CDC7: variants seen among roughly 807,000 people sequenced by gnomAD.
CDC7 encodes cell division cycle 7-related protein kinase.
Under a neutral mutation model 53.5 loss-of-function variants are expected in CDC7, and 34 were observed. The observed-to-expected ratio is 0.64, with a 90% CI of 0.48 to 0.85. CDC7 has a LOEUF of 0.85. Among genes scored for constraint, CDC7 ranks in the 40% least tolerant of loss-of-function variants. The pLI is 0.00. For synonymous variants in CDC7, 211 were observed against 222.8 expected (o/e 0.95, Z 0.47); for missense variants, 594 against 679.7 (o/e 0.87, Z 1.40).
At chr1:91,514,236 A>AT (rs1306830002) in intron 8 of CDC7, among the ~76,000 whole-genome samples, 193 bp downstream of exon 8, 2 of 152,090 alleles carry the variant, frequency 1.3e-5, no homozygotes, top group African/African-American at 4.8e-5. Context: ...TTCTGGTGGA[A>AT]TTTTTTCTCA....
At chr1:91,517,777 G>A (rs1040479764) in intron 10 of CDC7, among the ~76,000 whole-genome samples, 4 of 151,970 alleles carry the variant, frequency 2.6e-5, no homozygotes, top group African/African-American at 7.3e-5. Context: ...CATTGAAGGA[G>A]CAGGCAGAGG....
chr1:91,507,999 T>G (rs1250461143), intron 3 of CDC7, 62 bp downstream of exon 3: 27 of 1,403,310 alleles, frequency 1.9e-5, no homozygotes, highest in Non-Finnish European at 2.5e-5. Context: ...ATTTTCCTTT[T>G]TTAGTCTTGG....
intron 11 of CDC7, among the ~76,000 whole-genome samples, chr1:91,522,841 A>G (rs1042618185): frequency 1.3e-5 from 2 of 152,144 alleles, no homozygotes; most frequent in Admixed American, 1.3e-4. Flanking sequence ...ACACCAGTCC[A>G]GTAGTTAGTT....
intron 2 of CDC7, among the ~76,000 whole-genome samples, chr1:91,506,332 CT>C (rs983293153): frequency 5.3e-5 from 8 of 152,162 alleles, no homozygotes; most frequent in African/African-American, 1.9e-4. Flanking sequence ...AGCCCTCCCC[CT>C]ACCCTAATCA....
chr1:91,510,235 G>A (rs1667210378), intron 4 of CDC7, among the ~76,000 whole-genome samples: 1 of 150,760 alleles, frequency 6.6e-6, no homozygotes, highest in South Asian at 2.1e-4. Context: ...AAAAAAAAAA[G>A]AGTGACATTG....
chr1:91,518,325 T>C (rs1667711261), intron 10 of CDC7, among the ~76,000 whole-genome samples: 2 of 152,270 alleles, frequency 1.3e-5, no homozygotes, highest in East Asian at 1.9e-4. Context: ...GAAAACAATT[T>C]GGACGTTCCT....
At chr1:91,505,153 A>C (rs1313359135) in intron 2 of CDC7, among the ~76,000 whole-genome samples, 1 of 152,168 alleles carries the variant, frequency 6.6e-6, no homozygotes, top group Non-Finnish European at 1.5e-5. Flanking sequence ...AGAGCATTCC[A>C]AACAGAGGAA....
chr1:91,505,810 A>G (rs1421409907), intron 2 of CDC7, among the ~76,000 whole-genome samples: 1 of 152,204 alleles, frequency 6.6e-6, no homozygotes, highest in Non-Finnish European at 1.5e-5. Context: ...GTGACAGGAA[A>G]CCTTAATAAA....
In CDC7 at chr1:91,501,794, C is replaced by T; in HGVS notation, c.78C>T (p.Gly26=). Residue 26 remains glycine, a synonymous_variant, in exon 2 of 12, where the codon GGC becomes GGT. Transcript: ENST00000234626. ...AGCGTGACCGGTTTCAGGCTGAAGG[C>T]TCTTTAAAAAAAAACGAGCAGAATT... is the stretch of plus-strand genomic sequence containing the variant. The part of the protein sequence containing the change: ...SPQRDRFQAE[G]SLKKNEQNFK... The T allele has an allele frequency of 6.2e-7, 1 of 1,613,870 alleles. No individual in the cohort carries two copies. The highest frequency in any genetic ancestry group is 8.5e-7 in the Non-Finnish European group (1 of 1,179,908).
At chr1:91,516,074 CTT>C (rs1293510464) in intron 10 of CDC7, among the ~76,000 whole-genome samples, 198 bp downstream of exon 10, 2 of 151,842 alleles carry the variant, frequency 1.3e-5, no homozygotes, top group East Asian at 1.9e-4. Flanking sequence ...TGTTGCCTCT[CTT>C]TTTTTGTTTA....
At chr1:91,513,463 A>G (rs1433701858) in intron 7 of CDC7, among the ~76,000 whole-genome samples, 156 bp downstream of exon 7, 1 of 152,096 alleles carries the variant, frequency 6.6e-6, no homozygotes, top group East Asian at 1.9e-4. Context: ...TTTCACTAAG[A>G]TTTGTACTGA....
chr1:91,501,904 T>C lies in CDC7; in HGVS notation c.115+73T>C, dbSNP rs1232306799. 4 of 1,062,484 alleles carry C rather than the reference T, an allele frequency of 3.8e-6. No individual in the cohort carries two copies. The East Asian group carries it at 9.5e-5, about 25-fold the overall frequency. 65.8% of individuals were successfully genotyped at this position (1,062,484 alleles called of 1,614,324 possible). On this transcript the variant is annotated intron_variant, in intron 2 of 11. Transcript: ENST00000234626. ...AACAATTCTGTGTTTTCAATTCCTC[T>C]CAAAAAATAAGATTGAATCTTATAA...
chr1:91,524,554 A>G lies in CDC7; in HGVS notation c.*119A>G. The G allele has an allele frequency of 1.3e-6, 1 of 781,310 alleles. No homozygotes were observed. The highest frequency in any genetic ancestry group is 2.0e-6 in the Non-Finnish European group (1 of 499,574). The allele number at this position is 781,310 out of a possible 1,614,324, so 48.4% of individuals were successfully genotyped here. A position where few individuals can be genotyped will look rare whatever the true frequency, so the allele number is the denominator to read the frequency against. ...GATTAATAATTTATTTTAACATTTT[A>G]GTGTTTGGTGGCACATTCTAAAATA... On this transcript the variant is annotated 3_prime_UTR_variant, in exon 12 of 12. Transcript: ENST00000234626.
Position 91,508,289 on chromosome 1 carries a change from C to T in CDC7, c.227C>T (p.Thr76Ile). 1 of 1,610,310 alleles carries T rather than the reference C, an allele frequency of 6.2e-7. No individual in the cohort carries two copies. Among genetic ancestry groups the T allele is most frequent in the Non-Finnish European group, 8.5e-7 (1 of 1,178,264 alleles). The change falls in exon 4 of 12, where the codon ACA becomes ATA. Residue 76 changes from threonine (T) to isoleucine (I), a missense_variant. By Grantham distance (89) the Thr-to-Ile change is moderately conservative (BLOSUM62 -1). Transcript: ENST00000234626. ...EGTFSSVYLATAQLQVGPEEK... is the reference protein window; with the variant it reads ...EGTFSSVYLAIAQLQVGPEEK... The stretch of plus-strand genomic sequence containing the variant: ...ACTTTCAGCTCTGTTTATTTGGCCA[C>T]AGCACAGTTACAAGTAGGACCTGAA...
At chr1:91,501,429 G>C (rs1666666572) in intron 1 of CDC7, 1 of 329,092 alleles carries the variant, frequency 3.0e-6, no homozygotes, top group South Asian at 8.8e-5. Flanking sequence ...GCTGCTGCGC[G>C]GGTGCCCAAG....
intron 2 of CDC7, among the ~76,000 whole-genome samples, chr1:91,503,945 T>C (rs1666838686): frequency 6.6e-6 from 1 of 152,114 alleles, no homozygotes; most frequent in Admixed American, 6.5e-5. Context: ...TACAACTGGA[T>C]TTAAGGTCCA....
chr1:91,508,408 T>C lies in CDC7; in HGVS notation c.335+11T>C. 6.3e-7 allele frequency: 1 copy of C among 1,595,352 alleles called. No individual in the cohort carries two copies. The highest frequency in any genetic ancestry group is 8.6e-7 in the Non-Finnish European group (1 of 1,166,986). ...CCTAACAGTGGCTGGGTAGGCAATTTAAACATATTTTAATTGAACTTGTAT... is the reference window on the plus strand; with the variant it reads ...CCTAACAGTGGCTGGGTAGGCAATTCAAACATATTTTAATTGAACTTGTAT... On this transcript the variant is annotated intron_variant, in intron 4 of 11. Transcript: ENST00000234626.
chr1:91,522,380 A>G (rs1438009445), intron 11 of CDC7, among the ~76,000 whole-genome samples: 3 of 152,200 alleles, frequency 2.0e-5, no homozygotes, highest in Non-Finnish European at 2.9e-5. Flanking sequence ...ATCTGTCCTC[A>G]ACCCTTAAAC....
rs1019786320 is a variant in CDC7 at position 91,508,496 on chromosome 1, T to C, written c.335+99T>C. ...ATGAGGGGATTATATGTGAATTAAATACATTTTTCAGTCAAGTGTTTGCAA... is the reference window on the plus strand; with the variant it reads ...ATGAGGGGATTATATGTGAATTAAACACATTTTTCAGTCAAGTGTTTGCAA... On this transcript the variant is annotated intron_variant, in intron 4 of 11. Transcript: ENST00000234626. The C allele has an allele frequency of 8.6e-6, 8 of 929,886 alleles. No individual in the cohort carries two copies. The East Asian group carries it at 2.4e-4, about 28-fold the overall frequency. 57.6% of individuals were successfully genotyped at this position (929,886 alleles called of 1,614,324 possible).
Sources: gnomAD v4.1 joint callset for allele counts (sites outside exome capture counted in the v4.1 genomes callset) on GRCh38, gnomAD v4.1.1 for gene constraint, MANE v1.5 for transcripts, NCBI Gene and HGNC (gene_info 2026-07-23, HGNC 2026-07-21) for gene names.